PTPRB: variants seen among roughly 807,000 people sequenced by gnomAD.
PTPRB encodes the protein protein tyrosine phosphatase receptor type B.
PTPRB carries 97 observed loss-of-function variants against 238.1 expected under a neutral mutation model. The ratio of observed to expected loss-of-function variants is 0.41; its 90% confidence interval spans 0.35 to 0.48. PTPRB has a LOEUF of 0.48. Ranked by LOEUF, PTPRB falls within the 20% of genes least tolerant of loss-of-function variation. The pLI, the probability that PTPRB is intolerant of heterozygous loss-of-function variation, is 0.30. For missense variants in PTPRB, 2,292 were observed against 2,681.9 expected (o/e 0.85, Z 3.21); for synonymous variants, 970 against 995.4 (o/e 0.97, Z 0.48).
At chr12:70,627,880 A>G (rs74937971) in intron 2 of PTPRB, among the ~76,000 whole-genome samples, 4,708 of 152,270 alleles carry the variant, frequency 0.031, 99 homozygotes, top group Non-Finnish European at 0.046. Context: ...GTTTTTCCCC[A>G]CAAGCTCTTC....
chr12:70,598,233 TC>T (rs34827227), intron 4 of PTPRB, among the ~76,000 whole-genome samples: 32,965 of 152,110 alleles, frequency 0.22, 3,773 homozygotes, highest in East Asian at 0.29. Context: ...TGCCTCAGTT[TC>T]CTCATTTATG....
In PTPRB at chr12:70,560,804, C is replaced by T. The variant is rs764653386; in HGVS notation, c.4299G>A (p.Lys1433=). ...ELILYNPNGT[K]KENWKDKDLT... ...GGTCCTTGTCTTTCCAGTTTTCCTT[C>T]TTTGTGCCATTGGGATTATAGAGAA... The change falls in exon 17 of 34, where the codon AAG becomes AAA. Residue 1433 remains lysine, a synonymous_variant. Coordinates refer to ENST00000334414, the MANE Select transcript of PTPRB (RefSeq NM_001109754.4). This position sits in a 1 kb window ranked among gnomAD's most constrained non-coding sequence, Gnocchi z 4.2. The T allele has an allele frequency of 6.2e-6, 10 of 1,613,994 alleles. No individual in the cohort carries two copies. The highest frequency in any genetic ancestry group is 8.5e-6 in the Non-Finnish European group (10 of 1,179,892).
rs750669874 is a variant in PTPRB, at chr12:70,544,575, G to A, written c.5476C>T (p.Pro1826Ser). ...GCCTTACCTGATTCAGTAGTGATGG[G>A]TAAAGAAAAAAATGTGTCTGAATAG... Reference protein sequence around the residue: ...PLYSDTFFSLPITTESEPLFG... With the variant: ...PLYSDTFFSLSITTESEPLFG... Residue 1826 changes from proline to serine, a missense_variant, in exon 22 of 34, where the codon CCC becomes TCC. Physicochemically the swap from Pro to Ser is moderately conservative, Grantham distance 74. Transcript: ENST00000334414. 2.5e-6 allele frequency: 4 copies of A among 1,611,052 alleles called. No individual in the cohort carries two copies. Among genetic ancestry groups the A allele is most frequent in the Non-Finnish European group, 2.5e-6 (3 of 1,178,294 alleles).
At chr12:70,524,965 GTATA>G (rs200080483) in intron 32 of PTPRB, among the ~76,000 whole-genome samples, 5 of 136,122 alleles carry the variant, frequency 3.7e-5, no homozygotes, top group Non-Finnish European at 6.2e-5. Context: ...ATATGTATGT[GTATA>G]TATGTGTGTG....
At position 70,609,888 on chromosome 12, in the gene PTPRB, G is replaced by A. The variant is rs1181905231; in HGVS notation, c.709-549C>T. On this transcript the variant is annotated intron_variant, in intron 3 of 33. Coordinates refer to ENST00000334414, the MANE Select transcript of PTPRB (RefSeq NM_001109754.4). The stretch of plus-strand genomic sequence containing the variant: ...GACGGCCCGAGGGCCGGGGCAGGGG[G>A]TCACCTGTTGCGCGCGCTCAGCGCG... 6.4e-6 allele frequency: 9 copies of A among 1,407,464 alleles called. No individual in the cohort carries two copies. In the East Asian group the frequency reaches 1.9e-4, roughly 30 times the overall value. 87.2% of individuals were successfully genotyped at this position (1,407,464 alleles called of 1,614,324 possible).
rs1001386151 is a variant in PTPRB at position 70,540,017 on chromosome 12, C to T, written c.5600G>A (p.Gly1867Asp). ...LLICRQKVSH[G>D]RERPSARLSI... is the part of the protein sequence containing the mutation. The stretch of plus-strand genomic sequence containing the variant: ...CAGACGGGCAGAGGGTCTTTCTCGA[C>T]CATGGCTGAAACATAAGGGAGATAA... The change falls in exon 24 of 34, where the codon GGT (glycine) becomes GAT (aspartate). Residue 1867 changes from glycine (G) to aspartate (D), a missense_variant. Gly to Asp is a moderately conservative substitution (Grantham distance 94, BLOSUM62 -1). Around this residue, in one of 4 missense-constraint regions of PTPRB, gnomAD observed 397 missense variants for 502.0 expected, o/e 0.79. Coordinates refer to ENST00000334414, the MANE Select transcript of PTPRB (RefSeq NM_001109754.4). The T allele has an allele frequency of 6.9e-6, 11 of 1,605,512 alleles. No individual in the cohort carries two copies. Among genetic ancestry groups the T allele is most frequent in the Non-Finnish European group, 9.4e-6 (11 of 1,172,538 alleles).
intron 3 of PTPRB, among the ~76,000 whole-genome samples, chr12:70,617,931 T>C (rs1221481375): frequency 6.6e-6 from 1 of 152,248 alleles, no homozygotes; most frequent in Non-Finnish European, 1.5e-5. Flanking sequence ...ATGTTCTGCA[T>C]TTTATCCCTT....
In PTPRB at chr12:70,520,765, T is replaced by C. The variant is rs1246917185; in HGVS notation, c.*724A>G. 3.9e-5 allele frequency: 6 copies of C among 152,724 alleles called. No homozygotes were observed. Among genetic ancestry groups the C allele is most frequent in the African/African-American group, 1.4e-4 (6 of 41,436 alleles). 9.5% of individuals were successfully genotyped at this position (152,724 alleles called of 1,614,324 possible). On this transcript the variant is annotated 3_prime_UTR_variant, in exon 34 of 34. Coordinates refer to ENST00000334414, the MANE Select transcript of PTPRB (RefSeq NM_001109754.4). ...TAACAAAAGGAATTCATCACTTCTG[T>C]TTGGAATCATTCTCTATCAGAACCC... is the stretch of plus-strand genomic sequence containing the variant.
chr12:70,537,670 G>A (rs1874380041), intron 28 of PTPRB, among the ~76,000 whole-genome samples: 1 of 152,222 alleles, frequency 6.6e-6, no homozygotes, highest in Non-Finnish European at 1.5e-5. Flanking sequence ...ACAAGGGGCA[G>A]AAGTGGGATT....
At chr12:70,532,251 C>CTATCTTTT (rs1873371872) in intron 31 of PTPRB, 81 bp from the exon 32 acceptor site, 1 of 1,428,964 alleles carries the variant, frequency 7.0e-7, no homozygotes, top group African/African-American at 1.5e-5. Flanking sequence ...CTGGCACAAT[C>CTATCTTTT]TTTTTTTTCC....
Position 70,525,432 on chromosome 12 carries a change from T to C in PTPRB, c.6505-841A>G, listed in dbSNP as rs537053527. The C allele has an allele frequency of 9.2e-5, 14 of 152,352 alleles. No homozygotes were observed. The South Asian group carries it at 2.9e-3, about 32-fold the overall frequency. The allele number at this position is 152,352 out of a possible 1,614,324, so 9.4% of individuals were successfully genotyped here. On this transcript the variant is annotated intron_variant, in intron 32 of 33. Transcript: ENST00000334414. ...GTTAGTTCTTTGAGTGCAAGGTCAG[T>C]GTCTTATCCACCTCTGTTCTCTCAG...
In PTPRB at chr12:70,596,156, T is replaced by C. The variant is rs747209666; in HGVS notation, c.1151A>G (p.Asn384Ser). ...GVQIQESTSW[N>S]EYTFFNLTAG... ...AGTGAGATTGAAAAAAGTGTATTCATTCCATGAAGTACTTTCTTGAATTTG... is the reference window on the plus strand; with the variant it reads ...AGTGAGATTGAAAAAAGTGTATTCACTCCATGAAGTACTTTCTTGAATTTG... The change falls in exon 5 of 34, where the codon AAT (asparagine) becomes AGT (serine). Residue 384 changes from asparagine to serine, a missense_variant. Physicochemically the swap from Asn to Ser is conservative, Grantham distance 46. Around this residue, in one of 4 missense-constraint regions of PTPRB, gnomAD observed 1,205 missense variants for 1,287.8 expected, o/e 0.94. Coordinates refer to ENST00000334414, the MANE Select transcript of PTPRB (RefSeq NM_001109754.4). The C allele has an allele frequency of 1.2e-6, 2 of 1,613,532 alleles. No individual in the cohort carries two copies. Among genetic ancestry groups the C allele is most frequent in the African/African-American group, 1.3e-5 (1 of 74,872 alleles).
rs766155453 is a variant in PTPRB, at chr12:70,596,352, C to G, written c.980-25G>C. 5.6e-5 allele frequency: 67 copies of G among 1,196,998 alleles called. No homozygotes were observed. In the African/African-American group the frequency reaches 8.1e-4, roughly 14 times the overall value. The allele number at this position is 1,196,998 out of a possible 1,614,324, so 74.1% of individuals were successfully genotyped here. A position where few individuals can be genotyped will look rare whatever the true frequency, so the allele number is the denominator to read the frequency against. ...TCTGCAAGGCAAATACACACACACA[C>G]ACAAAAAAAAAAAAGAAAGAAAAAG... On this transcript the variant is annotated intron_variant, in intron 4 of 33. Transcript: ENST00000334414.
intron 22 of PTPRB, 36 bp downstream of exon 22, chr12:70,544,521 G>T: frequency 7.2e-7 from 1 of 1,390,102 alleles, no homozygotes; most frequent in Middle Eastern, 1.8e-4. Context: ...AGGTGACATG[G>T]CAGTTGGTAG....
At chr12:70,529,624 TGAAGGATAATAATTAATAA>T (rs534291523) in intron 32 of PTPRB, among the ~76,000 whole-genome samples, 204 of 152,258 alleles carry the variant, frequency 1.3e-3, no homozygotes, top group African/African-American at 4.5e-3. Context: ...TGGAGAAAGC[TGAAGGATAATAATTAATAA>T]GAAGGATAAT....
chr12:70,587,088 C>T lies in PTPRB; in HGVS notation c.2230G>A (p.Val744Met). 1 of 1,613,856 alleles carries T rather than the reference C, an allele frequency of 6.2e-7. No individual in the cohort carries two copies. Among genetic ancestry groups the T allele is most frequent in the African/African-American group, 1.3e-5 (1 of 75,046 alleles). ...DAKEFTFTDL[V>M]PGRKYMATVT... ...GTAGCCATGTATTTTCGTCCAGGCACCAGGTCAGTAAAAGTGAATTCTTTG... is the reference window on the plus strand; with the variant it reads ...GTAGCCATGTATTTTCGTCCAGGCATCAGGTCAGTAAAAGTGAATTCTTTG... The change falls in exon 9 of 34, where the codon GTG (valine) becomes ATG (methionine). Residue 744 changes from valine to methionine, a missense_variant. Val to Met is a conservative substitution (Grantham distance 21, BLOSUM62 1). Transcript: ENST00000334414.
intron 14 of PTPRB, among the ~76,000 whole-genome samples, chr12:70,569,421 A>G (rs1206449383): frequency 1.3e-5 from 2 of 152,120 alleles, no homozygotes; most frequent in African/African-American, 4.8e-5. Context: ...TAAAATTTAA[A>G]ATTTTATTAT....
intron 2 of PTPRB, among the ~76,000 whole-genome samples, chr12:70,634,599 T>C (rs1045906503): frequency 1.3e-5 from 2 of 152,178 alleles, no homozygotes; most frequent in African/African-American, 2.4e-5. Flanking sequence ...AATGTGTATT[T>C]TTAGTAAGCC....
chr12:70,564,241 G>A (rs1183756373), intron 15 of PTPRB, among the ~76,000 whole-genome samples: 1 of 152,236 alleles, frequency 6.6e-6, no homozygotes, highest in Non-Finnish European at 1.5e-5. Flanking sequence ...ACCAGGTGCA[G>A]TGGCTCATGC....
Sources: gnomAD v4.1 joint callset for allele counts (sites outside exome capture counted in the v4.1 genomes callset) on GRCh38, gnomAD v4.1.1 for gene constraint, gnomAD v4.1.1 regional missense constraint, Gnocchi (gnomAD v3.1) non-coding constraint, MANE v1.5 for transcripts, NCBI Gene and HGNC (gene_info 2026-07-23, HGNC 2026-07-21) for gene names.